PRKCH: variants seen among roughly 807,000 people sequenced by gnomAD.
PRKCH encodes protein kinase C eta type.
PRKCH carries 28 observed loss-of-function variants against 82.5 expected under a neutral mutation model. The observed-to-expected ratio is 0.34, with a 90% CI of 0.25 to 0.47. PRKCH has a LOEUF of 0.47. PRKCH is among the 20% of genes least tolerant of loss of function. The pLI, the probability that PRKCH is intolerant of heterozygous loss-of-function variation, is 1.00. For missense variants in PRKCH, 705 were observed against 881.8 expected, an observed-to-expected ratio of 0.80 and a Z score of 2.54; for synonymous variants, 322 against 327.4, an observed-to-expected ratio of 0.98 and a Z score of 0.18.
At chr14:61,349,478 T>A (rs1270751295) in intron 1 of PRKCH, among the ~76,000 whole-genome samples, 1 of 152,160 alleles carries the variant, frequency 6.6e-6, no homozygotes, top group African/African-American at 2.4e-5. Flanking sequence ...CAAACCCAGT[T>A]CTTTGGTGCT....
chr14:61,450,910 A>C lies in PRKCH; in HGVS notation c.771A>C (p.Thr257=). 1 of 1,614,126 alleles carries C rather than the reference A, an allele frequency of 6.2e-7. No individual in the cohort carries two copies. Among genetic ancestry groups the C allele is most frequent in the Non-Finnish European group, 8.5e-7 (1 of 1,179,988 alleles). ...GCATCCACAACTACAAAGTGCCAACATTCTGCGATCACTGTGGCTCACTGC... is the reference window on the plus strand; with the variant it reads ...GCATCCACAACTACAAAGTGCCAACCTTCTGCGATCACTGTGGCTCACTGC... ...KFSIHNYKVP[T]FCDHCGSLLW... is the part of the protein sequence containing the mutation. The change falls in exon 6 of 14, where the codon ACA becomes ACC. Residue 257 remains threonine, a synonymous_variant. Transcript: ENST00000332981.
chr14:61,517,758 A>T (rs1292956762), intron 10 of PRKCH, among the ~76,000 whole-genome samples: 1 of 152,190 alleles, frequency 6.6e-6, no homozygotes, highest in Non-Finnish European at 1.5e-5. Flanking sequence ...CCTGGTTGTG[A>T]TTAAGATATT....
At chr14:61,410,618 A>T (rs1030194831) in intron 2 of PRKCH, among the ~76,000 whole-genome samples, 1 of 152,230 alleles carries the variant, frequency 6.6e-6, no homozygotes, top group African/African-American at 2.4e-5. Flanking sequence ...GGCAAAGAGC[A>T]CTGGTGTGGC....
At chr14:61,277,378 T>C (rs2140089633) in intron 1 of PRKCH, 1 of 152,328 alleles carries the variant, frequency 6.6e-6, no homozygotes, top group South Asian at 2.1e-4. Context: ...ACTTTCTCTT[T>C]TATGCTTTTA....
At chr14:61,285,424 T>C (rs80194763) in intron 1 of PRKCH, among the ~76,000 whole-genome samples, 9,970 of 152,254 alleles carry the variant, frequency 0.065, 566 homozygotes, top group East Asian at 0.17. Context: ...GATATAACTG[T>C]GTGACCTTGG....
intron 1 of PRKCH, among the ~76,000 whole-genome samples, chr14:61,287,838 T>C (rs2045328564): frequency 6.6e-6 from 1 of 152,164 alleles, no homozygotes; most frequent in South Asian, 2.1e-4. Flanking sequence ...AGCCAATCTT[T>C]TGAGGCTAGA....
intron 1 of PRKCH, among the ~76,000 whole-genome samples, chr14:61,189,863 A>G (rs2044396639): frequency 1.3e-5 from 2 of 151,940 alleles, no homozygotes; most frequent in South Asian, 2.1e-4. Flanking sequence ...AACCCCTGAG[A>G]TATTTTTTAT....
chr14:61,192,245 G>T (rs1283565845), intron 1 of PRKCH, among the ~76,000 whole-genome samples: 2 of 152,146 alleles, frequency 1.3e-5, no homozygotes, highest in African/African-American at 2.4e-5. Context: ...TTCCTGAGCA[G>T]ATACTCCCAG....
intron 1 of PRKCH, among the ~76,000 whole-genome samples, chr14:61,347,606 G>A (rs953901709): frequency 2.0e-5 from 3 of 152,222 alleles, no homozygotes; most frequent in Non-Finnish European, 4.4e-5. Flanking sequence ...CCCGTATTAA[G>A]TAGAGGCTGT....
intron 10 of PRKCH, among the ~76,000 whole-genome samples, chr14:61,526,548 C>T (rs2042968687): frequency 6.6e-6 from 1 of 152,228 alleles, no homozygotes; most frequent in South Asian, 2.1e-4. Context: ...TATCAACTCA[C>T]AGGACAGCGT....
chr14:61,496,063 G>A (rs1886655133), intron 10 of PRKCH, among the ~76,000 whole-genome samples: 1 of 152,192 alleles, frequency 6.6e-6, no homozygotes, highest in African/African-American at 2.4e-5. Context: ...GAGGGAGAGT[G>A]CGCAGTGGGA....
chr14:61,430,012 G>A (rs1883307796), intron 2 of PRKCH, among the ~76,000 whole-genome samples: 1 of 152,158 alleles, frequency 6.6e-6, no homozygotes, highest in African/African-American at 2.4e-5. Flanking sequence ...ATAGTCTTGG[G>A]CAAAGAGTTA....
intron 10 of PRKCH, among the ~76,000 whole-genome samples, chr14:61,526,557 G>A (rs185523689): frequency 1.6e-4 from 24 of 152,308 alleles, no homozygotes; most frequent in African/African-American, 5.3e-4. Flanking sequence ...ACAGGACAGC[G>A]TGTGGAAACC....
intron 1 of PRKCH, among the ~76,000 whole-genome samples, chr14:61,377,467 T>A (rs1417153418): frequency 6.6e-6 from 1 of 150,804 alleles, no homozygotes; most frequent in Non-Finnish European, 1.5e-5. Context: ...TTTCTTTCCC[T>A]TTAAAACATG....
At chr14:61,238,122 G>C (rs564909759) in intron 1 of PRKCH, among the ~76,000 whole-genome samples, 1 of 152,368 alleles carries the variant, frequency 6.6e-6, no homozygotes, top group East Asian at 1.9e-4. Flanking sequence ...AACTATGTAA[G>C]TAGGCAGCTT....
chr14:61,530,282 C>A, intron 11 of PRKCH, 125 bp from the exon 12 acceptor site: 1 of 1,058,632 alleles, frequency 9.4e-7, no homozygotes, highest in Non-Finnish European at 1.3e-6. Context: ...AATACGCTTG[C>A]TAGCACAGGA....
At chr14:61,325,732 A>G (rs887084661) in intron 1 of PRKCH, among the ~76,000 whole-genome samples, 1 of 152,248 alleles carries the variant, frequency 6.6e-6, no homozygotes, top group African/African-American at 2.4e-5. Context: ...ACATGAATAT[A>G]TAAAAGAACT....
intron 1 of PRKCH, among the ~76,000 whole-genome samples, chr14:61,267,327 A>C (rs752376465): frequency 2.0e-5 from 3 of 152,234 alleles, no homozygotes; most frequent in Non-Finnish European, 2.9e-5. Flanking sequence ...ATGTATGCCT[A>C]TCTAGCAAAG....
chr14:61,448,165 G>T (rs561171466), intron 4 of PRKCH, among the ~76,000 whole-genome samples: 2 of 152,324 alleles, frequency 1.3e-5, no homozygotes, highest in East Asian at 1.9e-4. Context: ...GTTCTCCTGA[G>T]AATTGAATCT....
Sources: allele counts gnomAD v4.1 joint callset (sites outside exome capture counted in the v4.1 genomes callset), GRCh38; gene constraint gnomAD v4.1.1; transcripts MANE v1.5; gene names NCBI Gene and HGNC (gene_info 2026-07-23, HGNC 2026-07-21).